ZNF131: variants seen among roughly 807,000 people sequenced by gnomAD.
ZNF131 encodes zinc finger protein 131.
A neutral mutation model predicts 60.0 loss-of-function variants in ZNF131; 7 were observed. The ratio of observed to expected loss-of-function variants is 0.12; its 90% CI spans 0.07 to 0.22. The LOEUF (loss-of-function observed/expected upper bound fraction) is 0.22, where lower values mean the gene tolerates loss of function less well. ZNF131 is among the 10% of genes least tolerant of loss of function. The pLI, the probability that ZNF131 is intolerant of heterozygous loss-of-function variation, is 1.00. For synonymous variants in ZNF131, 257 were observed against 253.2 expected, an observed-to-expected ratio of 1.01 and a Z score of -0.14; for missense variants, 493 against 740.9, an observed-to-expected ratio of 0.67 and a Z score of 3.88.
At chr5:43,131,602 A>G (rs966850304) in intron 3 of ZNF131, among the ~76,000 whole-genome samples, 1 of 152,220 alleles carries the variant, frequency 6.6e-6, no homozygotes, top group Non-Finnish European at 1.5e-5. Context: ...CGATCATGAA[A>G]TTCTAATACA....
At chr5:43,173,729 T>C (rs1164283298) in intron 6 of ZNF131, among the ~76,000 whole-genome samples, 2 of 149,510 alleles carry the variant, frequency 1.3e-5, no homozygotes, top group East Asian at 3.9e-4. Context: ...GGTGGAAGCA[T>C]TTCAGCTGTA....
At chr5:43,147,286 G>T (rs1490899304) in intron 4 of ZNF131, among the ~76,000 whole-genome samples, 1 of 151,528 alleles carries the variant, frequency 6.6e-6, no homozygotes, top group Non-Finnish European at 1.5e-5. Flanking sequence ...ATCTTTGAGT[G>T]GATATATGCT....
chr5:43,122,314 G>T, intron 2 of ZNF131, 137 bp downstream of exon 2: 1 of 1,087,094 alleles, frequency 9.2e-7, no homozygotes, highest in Non-Finnish European at 1.3e-6. Flanking sequence ...CAGAGTGTGT[G>T]CACTGGGACC....
At chr5:43,174,416 A>G in intron 6 of ZNF131, 31 bp from the exon 7 acceptor site, 7 of 1,496,890 alleles carry the variant, frequency 4.7e-6, no homozygotes, top group South Asian at 2.8e-5. Context: ...GGATATAAGT[A>G]TTGTCTACAT....
chr5:43,133,326 G>A (rs551811408), intron 3 of ZNF131, among the ~76,000 whole-genome samples: 8 of 152,188 alleles, frequency 5.3e-5, no homozygotes, highest in African/African-American at 1.7e-4. Flanking sequence ...TTAGCCAGGC[G>A]TGGTGGTGGG....
intron 5 of ZNF131, among the ~76,000 whole-genome samples, chr5:43,163,174 C>T (rs965890365): frequency 2.4e-4 from 37 of 151,680 alleles, no homozygotes; most frequent in Non-Finnish European, 4.3e-4. Flanking sequence ...GGGGTTTCAC[C>T]ATATTGGTCA....
intron 3 of ZNF131, among the ~76,000 whole-genome samples, chr5:43,125,639 G>C (rs1346462362): frequency 6.6e-6 from 1 of 151,864 alleles, no homozygotes; most frequent in African/African-American, 2.4e-5. Flanking sequence ...AATTAGCCGG[G>C]CGTGGTGGTG....
intron 3 of ZNF131, among the ~76,000 whole-genome samples, chr5:43,127,701 G>C (rs1018510568): frequency 2.0e-5 from 3 of 152,200 alleles, no homozygotes; most frequent in Admixed American, 1.3e-4. Flanking sequence ...GAAAACCACA[G>C]GTTCATCTTT....
At position 43,175,535 on chromosome 5, in the gene ZNF131, C is replaced by T. The variant is rs753434784; in HGVS notation, c.*402C>T. On this transcript the variant is annotated 3_prime_UTR_variant, in exon 7 of 7. Coordinates refer to ENST00000682664, the MANE Select transcript of ZNF131 (RefSeq NM_001330707.2). The stretch of plus-strand genomic sequence containing the variant: ...GAATACAAGTTTATGTATTCTAATG[C>T]ATGTTAGAAAATTGAATAATATAGG... 5 of 681,726 alleles carry T rather than the reference C, an allele frequency of 7.3e-6. No homozygotes were observed. Among genetic ancestry groups the T allele is most frequent in the Non-Finnish European group, 2.6e-6 (1 of 378,878 alleles). 42.2% of individuals were successfully genotyped at this position (681,726 alleles called of 1,614,324 possible).
chr5:43,152,149 C>T (rs559258330), intron 4 of ZNF131, among the ~76,000 whole-genome samples: 33 of 152,214 alleles, frequency 2.2e-4, no homozygotes, highest in African/African-American at 7.7e-4. Flanking sequence ...ACTACAGGCA[C>T]GTGCCACTAG....
At chr5:43,125,767 T>G (rs1744465735) in intron 3 of ZNF131, among the ~76,000 whole-genome samples, 2 of 150,094 alleles carry the variant, frequency 1.3e-5, no homozygotes, top group Admixed American at 6.6e-5. Flanking sequence ...GCAACAAGAG[T>G]GAAACTCCGT....
At chr5:43,145,575 T>A (rs1415121386) in intron 4 of ZNF131, among the ~76,000 whole-genome samples, 1 of 151,772 alleles carries the variant, frequency 6.6e-6, no homozygotes, top group African/African-American at 2.4e-5. Flanking sequence ...ATCGCTTGAA[T>A]CCGGGAGGCG....
intron 2 of ZNF131, 25 bp from the exon 3 acceptor site, chr5:43,123,184 T>C (rs1399724226): frequency 1.9e-6 from 3 of 1,548,736 alleles, no homozygotes; most frequent in Non-Finnish European, 2.6e-6. Flanking sequence ...TGTATGATTT[T>C]CTTTTTTTTT....
chr5:43,159,353 TTTTACTGAG>T (rs760374936), intron 4 of ZNF131, among the ~76,000 whole-genome samples: 10 of 152,240 alleles, frequency 6.6e-5, no homozygotes, highest in Non-Finnish European at 1.5e-4. Flanking sequence ...AGGTGTCGTC[TTTTACTGAG>T]TTTACTGAGT....
chr5:43,143,224 A>G (rs1747091792), intron 4 of ZNF131: 5 of 275,842 alleles, frequency 1.8e-5, no homozygotes, highest in African/African-American at 9.1e-5. Flanking sequence ...GGTTTTCACC[A>G]TGTTGGCCAG....
intron 3 of ZNF131, among the ~76,000 whole-genome samples, chr5:43,125,656 T>A (rs1034953843): frequency 6.6e-6 from 1 of 151,772 alleles, no homozygotes; most frequent in African/African-American, 2.4e-5. Context: ...GGTGGGCACC[T>A]GTAATCCCAG....
In ZNF131 at chr5:43,174,327, C is replaced by T; in HGVS notation, c.1186-120C>T. 3.3e-6 allele frequency: 3 copies of T among 905,012 alleles called. No homozygotes were observed. The South Asian group carries it at 7.2e-5, about 22-fold the overall frequency. The allele number at this position is 905,012 out of a possible 1,614,324, so 56.1% of individuals were successfully genotyped here. On this transcript the variant is annotated intron_variant, in intron 6 of 6. Coordinates refer to ENST00000682664, the MANE Select transcript of ZNF131 (RefSeq NM_001330707.2). ...CTTGGACGAGATTCTATTGCAGGTA[C>T]CATATTTATAACATTTACAGAATAA... is the stretch of plus-strand genomic sequence containing the variant.
At chr5:43,144,521 C>T (rs1035387926) in intron 4 of ZNF131, among the ~76,000 whole-genome samples, 28 of 152,152 alleles carry the variant, frequency 1.8e-4, no homozygotes, top group African/African-American at 6.8e-4. Flanking sequence ...TGAGCCATCA[C>T]GTCCAGTCTG....
At chr5:43,168,216 C>T (rs1034120764) in intron 5 of ZNF131, among the ~76,000 whole-genome samples, 2 of 152,188 alleles carry the variant, frequency 1.3e-5, no homozygotes, top group African/African-American at 2.4e-5. Flanking sequence ...ATTGGGGTTT[C>T]GGTATTAACC....
Sources: gnomAD v4.1 joint callset for allele counts (sites outside exome capture counted in the v4.1 genomes callset) on GRCh38, gnomAD v4.1.1 for gene constraint, MANE v1.5 for transcripts, NCBI Gene and HGNC (gene_info 2026-07-23, HGNC 2026-07-21) for gene names.